Variants in CSMD3 observed in about 807,000 individuals in gnomAD.
The protein encoded by CSMD3 is CUB and Sushi multiple domains 3.
In CSMD3, 177 loss-of-function variants were observed where a neutral mutation model predicts 435.2. The observed-to-expected ratio is 0.41, with a 90% CI of 0.36 to 0.46. The LOEUF (loss-of-function observed/expected upper bound fraction) is 0.46, where lower values mean the gene tolerates loss of function less well. CSMD3 is among the 20% of genes least tolerant of loss of function. The pLI, the probability that CSMD3 is intolerant of heterozygous loss-of-function variation, is 0.34. For synonymous variants in CSMD3, 1,656 were observed against 1,520.5 expected (o/e 1.09, Z -2.07); for missense variants, 4,265 against 4,504.6 (o/e 0.95, Z 1.52).
intron 4 of CSMD3, among the ~76,000 whole-genome samples, chr8:113,138,615 T>C (rs548395873): frequency 9.9e-5 from 15 of 151,330 alleles, no homozygotes; most frequent in Non-Finnish European, 1.9e-4. Flanking sequence ...AGGCATTGGA[T>C]AAAAGACCTG....
At chr8:113,222,851 C>T (rs912374800) in intron 3 of CSMD3, among the ~76,000 whole-genome samples, 13 of 150,738 alleles carry the variant, frequency 8.6e-5, no homozygotes, top group Non-Finnish European at 8.9e-5. Context: ...AATTTTTGTT[C>T]GATGTTAATT....
chr8:113,049,639 A>G (rs1564254119), intron 5 of CSMD3, among the ~76,000 whole-genome samples: 2 of 152,348 alleles, frequency 1.3e-5, no homozygotes, highest in East Asian at 1.9e-4. Flanking sequence ...ATTCTATGGT[A>G]CATTGACTTG....
intron 7 of CSMD3, among the ~76,000 whole-genome samples, chr8:112,969,051 A>G (rs995851621): frequency 6.6e-6 from 1 of 152,026 alleles, no homozygotes; most frequent in Non-Finnish European, 1.5e-5. Flanking sequence ...TGGGCACATA[A>G]TAAGCACCTA....
chr8:113,122,355 T>C lies in CSMD3; in HGVS notation c.710-23392A>G, dbSNP rs571148541. On this transcript the variant is annotated intron_variant, in intron 4 of 70. Transcript: ENST00000297405. ...ATGTTTAGATAAATAGTGTGAACAA[T>C]GTGTGTTAGGCAGGATAATGTCTCT... is the stretch of plus-strand genomic sequence containing the variant. Among the ~76,000 whole-genome samples, 203 of 152,208 alleles carry C rather than the reference T, an allele frequency of 1.3e-3. 1 individual carries two copies. The highest frequency in any genetic ancestry group is 4.7e-3 in the African/African-American group (197 of 41,570).
At chr8:112,866,952 A>T (rs2081001669) in intron 10 of CSMD3, among the ~76,000 whole-genome samples, 2 of 152,302 alleles carry the variant, frequency 1.3e-5, no homozygotes, top group South Asian at 4.1e-4. Context: ...GCAAGTCAGG[A>T]TAGCCCAGAC....
chr8:112,565,379 G>A (rs1586695053), intron 24 of CSMD3, among the ~76,000 whole-genome samples: 3 of 152,064 alleles, frequency 2.0e-5, no homozygotes, highest in South Asian at 2.1e-4. Flanking sequence ...AATTTTTTAC[G>A]ATTTACATTG....
At chr8:112,509,103 T>C (rs960939056) in intron 28 of CSMD3, among the ~76,000 whole-genome samples, 1 of 151,168 alleles carries the variant, frequency 6.6e-6, no homozygotes, top group African/African-American at 2.4e-5. Flanking sequence ...TTTTTTTTTT[T>C]CGATACAGGG....
chr8:112,837,031 C>A (rs974483884), intron 11 of CSMD3, among the ~76,000 whole-genome samples: 32 of 151,758 alleles, frequency 2.1e-4, no homozygotes, highest in African/African-American at 7.0e-4. Flanking sequence ...TACCTCATAT[C>A]ATGTTGTTAT....
At chr8:113,422,858 A>C (rs1262690057) in intron 1 of CSMD3, among the ~76,000 whole-genome samples, 1 of 152,132 alleles carries the variant, frequency 6.6e-6, no homozygotes. Context: ...TATCAGCTAC[A>C]ACATGATACT....
intron 22 of CSMD3, among the ~76,000 whole-genome samples, chr8:112,596,239 T>G (rs891906222): frequency 7.9e-5 from 12 of 151,868 alleles, no homozygotes; most frequent in African/African-American, 2.9e-4. Flanking sequence ...AAACAGACTT[T>G]AAACCAACAA....
intron 6 of CSMD3, among the ~76,000 whole-genome samples, chr8:112,981,960 C>T (rs1409845803): frequency 1.3e-5 from 2 of 151,720 alleles, no homozygotes; most frequent in Admixed American, 1.3e-4. Flanking sequence ...GGATAGACAT[C>T]TCATTTCTTA....
intron 4 of CSMD3, among the ~76,000 whole-genome samples, chr8:113,100,740 T>A (rs895324792): frequency 1.3e-5 from 2 of 152,168 alleles, no homozygotes; most frequent in African/African-American, 4.8e-5. Context: ...ACGTCATTTG[T>A]ACATGATAAA....
At chr8:112,914,954 T>C (rs2082532251) in intron 10 of CSMD3, among the ~76,000 whole-genome samples, 1 of 151,908 alleles carries the variant, frequency 6.6e-6, no homozygotes, top group Non-Finnish European at 1.5e-5. Context: ...TTTTATGTGA[T>C]CAGAATTAGT....
chr8:112,750,935 T>C (rs1340208669), intron 13 of CSMD3, among the ~76,000 whole-genome samples: 1 of 152,030 alleles, frequency 6.6e-6, no homozygotes, highest in Non-Finnish European at 1.5e-5. Context: ...TCTGTGTCTA[T>C]GAAGAGCTTA....
At chr8:112,607,998 AAAG>A (rs1165152344) in intron 22 of CSMD3, among the ~76,000 whole-genome samples, 8 of 152,134 alleles carry the variant, frequency 5.3e-5, no homozygotes, top group African/African-American at 1.4e-4. Context: ...CCGAAACATA[AAAG>A]AAGAAGGCAA....
chr8:113,409,768 T>C (rs1186405791), intron 1 of CSMD3, among the ~76,000 whole-genome samples: 1 of 152,184 alleles, frequency 6.6e-6, no homozygotes, highest in Non-Finnish European at 1.5e-5. Context: ...CCTATTTGTG[T>C]TCTGGATCAT....
At chr8:112,241,582 T>C in intron 66 of CSMD3, 138 bp downstream of exon 66, 1 of 661,008 alleles carries the variant, frequency 1.5e-6, no homozygotes, top group South Asian at 1.8e-5. Flanking sequence ...ATTCAACATC[T>C]TGTGAATTAT....
chr8:112,476,414 G>C (rs899849195), intron 31 of CSMD3, among the ~76,000 whole-genome samples: 2 of 152,134 alleles, frequency 1.3e-5, no homozygotes, highest in African/African-American at 4.8e-5. Flanking sequence ...CTATCATTAA[G>C]TAAGTGTGGG....
At chr8:112,943,874 C>A (rs998377345) in intron 9 of CSMD3, among the ~76,000 whole-genome samples, 1 of 151,674 alleles carries the variant, frequency 6.6e-6, no homozygotes, top group African/African-American at 2.4e-5. Context: ...GATTTCTTTG[C>A]TCCCAATCCA....
Sources: allele counts gnomAD v4.1 joint callset (sites outside exome capture counted in the v4.1 genomes callset), GRCh38; gene constraint gnomAD v4.1.1; transcripts MANE v1.5; gene names NCBI Gene and HGNC (gene_info 2026-07-23, HGNC 2026-07-21).